The following NEBL variants were observed in gnomAD, a reference collection of about 807,000 sequenced individuals.
The protein encoded by NEBL is LIM and SH3 protein 2.
NEBL carries 122 observed loss-of-function variants against 140.2 expected under a neutral mutation model. That is an observed-to-expected ratio of 0.87 (90% CI 0.75 to 1.01). The LOEUF (loss-of-function observed/expected upper bound fraction) is 1.01. Ranked by LOEUF, NEBL falls within the 50% of genes least tolerant of loss-of-function variation. The pLI is 0.00. For missense variants in NEBL, 1,365 were observed against 1,231.3 expected (o/e 1.11, Z -1.62); for synonymous variants, 436 against 398.9 (o/e 1.09, Z -1.11).
chr10:21,070,671 A>G (rs1835777763), intron 2 of NEBL, among the ~76,000 whole-genome samples: 1 of 152,174 alleles, frequency 6.6e-6, no homozygotes, highest in Non-Finnish European at 1.5e-5. Context: ...TATGTTATTT[A>G]CCAAAATGCT....
chr10:21,139,977 C>G (rs908317737), intron 2 of NEBL, among the ~76,000 whole-genome samples: 25 of 142,140 alleles, frequency 1.8e-4, no homozygotes, highest in African/African-American at 6.9e-4. Context: ...ATGTTGAAAC[C>G]CTGTCTCAAC....
rs367972751 is a variant in NEBL, at chr10:21,067,087, C to T, written c.165-46886G>A. ...TCCCGGGTTCACGCCATTCCCCTGC[C>T]TCAGCCTCCCGAGTAGCTGGGACTA... On this transcript the variant is annotated intron_variant, in intron 2 of 6. Transcript: ENST00000417816. Among the ~76,000 whole-genome samples, 31 of 151,692 alleles carry T rather than the reference C, an allele frequency of 2.0e-4. No individual in the cohort carries two copies. The East Asian group carries it at 5.8e-3, about 28-fold the overall frequency.
intron 2 of NEBL, among the ~76,000 whole-genome samples, chr10:21,084,997 T>C (rs1426909579): frequency 1.3e-5 from 2 of 152,206 alleles, no homozygotes; most frequent in African/African-American, 4.8e-5. Context: ...GAAAGGGTTA[T>C]GCCAATCTGA....
At chr10:21,103,432 C>T (rs944990778) in intron 2 of NEBL, among the ~76,000 whole-genome samples, 6 of 152,126 alleles carry the variant, frequency 3.9e-5, no homozygotes, top group Non-Finnish European at 1.5e-5. Flanking sequence ...CCAGTATGGT[C>T]TCCATCTCCT....
intron 2 of NEBL, among the ~76,000 whole-genome samples, chr10:20,893,737 C>T (rs184857162): frequency 1.2e-3 from 177 of 152,240 alleles, no homozygotes; most frequent in African/African-American, 4.1e-3. Flanking sequence ...GTAAGGGAAA[C>T]GGCAAACTGA....
chr10:21,145,597 C>T (rs1279441398), intron 2 of NEBL, among the ~76,000 whole-genome samples: 1 of 152,164 alleles, frequency 6.6e-6, no homozygotes, highest in African/African-American at 2.4e-5. Flanking sequence ...TTATGCCAAC[C>T]CTACAATATG....
chr10:20,840,989 T>A (rs1473734043), intron 12 of NEBL, 140 bp from the exon 13 acceptor site: 1 of 643,296 alleles, frequency 1.6e-6, no homozygotes, highest in Non-Finnish European at 2.8e-6. Context: ...GTATTCATGC[T>A]TTTTTCCTAC....
At position 20,821,747 on chromosome 10, in the gene NEBL, G is replaced by A. The variant is rs1839341961; in HGVS notation, c.1962+1461C>T. 1.3e-5 allele frequency among the ~76,000 whole-genome samples: 2 copies of A among 152,114 alleles called. 1 individual carries two copies. Among genetic ancestry groups the A allele is most frequent in the African/African-American group, 4.8e-5 (2 of 41,430 alleles). On this transcript the variant is annotated intron_variant, in intron 19 of 27. Transcript: ENST00000377122. ...AATGGTATATGAACCACACTTTAGA[G>A]ACACTGTGGGAATCCATACTACCTT...
At chr10:21,135,531 A>G (rs1839316696) in intron 2 of NEBL, among the ~76,000 whole-genome samples, 1 of 152,194 alleles carries the variant, frequency 6.6e-6, no homozygotes, top group African/African-American at 2.4e-5. Context: ...GACGCTGCCA[A>G]CAATCAGCCT....
At chr10:20,973,997 C>A (rs1836688772) in intron 3 of NEBL, among the ~76,000 whole-genome samples, 1 of 152,170 alleles carries the variant, frequency 6.6e-6, no homozygotes, top group African/African-American at 2.4e-5. Context: ...CCTCAAAATT[C>A]TCATTTTGTT....
At chr10:21,105,146 A>G (rs968944744) in intron 2 of NEBL, among the ~76,000 whole-genome samples, 2 of 152,132 alleles carry the variant, frequency 1.3e-5, no homozygotes, top group Non-Finnish European at 1.5e-5. Flanking sequence ...TAACTTTTAC[A>G]TACGTGTTCA....
At chr10:21,033,569 A>G (rs1833882105) in intron 2 of NEBL, among the ~76,000 whole-genome samples, 1 of 152,024 alleles carries the variant, frequency 6.6e-6, no homozygotes, top group Admixed American at 6.6e-5. Flanking sequence ...AAATTGTCCC[A>G]TCTCTACTAA....
At chr10:20,857,379 A>AT (rs1843184707) in intron 9 of NEBL, among the ~76,000 whole-genome samples, 1 of 152,264 alleles carries the variant, frequency 6.6e-6, no homozygotes, top group African/African-American at 2.4e-5. Context: ...AACTATCTTC[A>AT]TTTTTTCTCA....
chr10:20,885,917 C>T (rs1413104478), intron 4 of NEBL, among the ~76,000 whole-genome samples: 1 of 152,144 alleles, frequency 6.6e-6, no homozygotes, highest in Non-Finnish European at 1.5e-5. Context: ...TGTTGCATAA[C>T]CGAGATTAGT....
chr10:21,044,839 C>T (rs975840831), intron 2 of NEBL, among the ~76,000 whole-genome samples: 5 of 152,092 alleles, frequency 3.3e-5, no homozygotes, highest in African/African-American at 1.2e-4. Context: ...TGTGTGCATG[C>T]CCATTGTCCC....
At chr10:21,053,519 T>C (rs603346) in intron 2 of NEBL, among the ~76,000 whole-genome samples, 60,032 of 152,048 alleles carry the variant, frequency 0.39, 11,943 homozygotes, top group Middle Eastern at 0.47. Context: ...GCATCAGTAG[T>C]TAAGGAAAAA....
rs796498221 is a variant in NEBL at position 20,987,189 on chromosome 10, CT to C, written c.250-25411del. ...AAACCTACAAACAAGATCATTGCTT[CT>C]TTTTTTTTTTTCCTAAGACATTCAC... On this transcript the variant is annotated intron_variant, in intron 3 of 6. Coordinates refer to the NEBL transcript ENST00000417816. 6.1e-3 allele frequency among the ~76,000 whole-genome samples: 893 copies of C among 145,768 alleles called. 7 individuals are homozygous for C. The highest frequency in any genetic ancestry group is 0.019 in the African/African-American group (767 of 40,152).
chr10:20,996,803 T>A (rs1837685952), intron 3 of NEBL, among the ~76,000 whole-genome samples: 1 of 152,204 alleles, frequency 6.6e-6, no homozygotes, highest in African/African-American at 2.4e-5. Context: ...TAATGGTAAA[T>A]CTAAAAATCT....
chr10:20,825,583 C>G (rs1318447502), intron 18 of NEBL, among the ~76,000 whole-genome samples: 1 of 151,796 alleles, frequency 6.6e-6, no homozygotes, highest in African/African-American at 2.4e-5. Flanking sequence ...AGAAGAATCA[C>G]TTGAATCTGG....
Sources: gnomAD v4.1 joint callset for allele counts (sites outside exome capture counted in the v4.1 genomes callset) on GRCh38, gnomAD v4.1.1 for gene constraint, MANE v1.5 for transcripts, NCBI Gene and HGNC (gene_info 2026-07-23, HGNC 2026-07-21) for gene names.